EVC2: variants seen among roughly 807,000 people sequenced by gnomAD.
The protein encoded by EVC2 is EvC ciliary complex subunit 2.
Under a neutral mutation model 149.3 loss-of-function variants are expected in EVC2, and 148 were observed. The observed-to-expected ratio is 0.99, with a 90% confidence interval of 0.87 to 1.14. The LOEUF (loss-of-function observed/expected upper bound fraction) is 1.14, where lower values mean the gene tolerates loss of function less well. EVC2 is among the 50% of genes most tolerant of loss of function. The probability of loss-of-function intolerance (pLI) is 0.00; values close to 1 mark genes in which losing one functional copy is unlikely to be tolerated. For missense variants in EVC2, 1,854 were observed against 1,627.3 expected, an observed-to-expected ratio of 1.14 and a Z score of -2.40; for synonymous variants, 776 against 649.9, an observed-to-expected ratio of 1.19 and a Z score of -2.95.
At chr4:5,687,672 G>A (rs1437028764) in intron 5 of EVC2, among the ~76,000 whole-genome samples, 2 of 152,136 alleles carry the variant, frequency 1.3e-5, no homozygotes, top group African/African-American at 2.4e-5. Flanking sequence ...CAGAGTTGGG[G>A]AGAGGTGCTT....
chr4:5,570,954 A>G (rs1395467072), intron 19 of EVC2, among the ~76,000 whole-genome samples: 1 of 152,086 alleles, frequency 6.6e-6, no homozygotes, highest in Admixed American at 6.6e-5. Context: ...TGAGGATGCA[A>G]AGGCATAAGA....
Position 5,696,587 on chromosome 4 carries a change from C to T in EVC2, c.283+1006G>A, listed in dbSNP as rs1239412244. Among the ~76,000 whole-genome samples, 6 of 152,156 alleles carry T rather than the reference C, an allele frequency of 3.9e-5. No homozygotes were observed. The highest frequency in any genetic ancestry group is 7.2e-5 in the African/African-American group (3 of 41,428). ...AGGCTCAGGAGCCAGGGACTGCCCGCGGCATTTTTCCCACCATGGGGAAAG... is the reference window on the plus strand; with the variant it reads ...AGGCTCAGGAGCCAGGGACTGCCCGTGGCATTTTTCCCACCATGGGGAAAG... On this transcript the variant is annotated intron_variant, in intron 2 of 21. Coordinates refer to ENST00000344408, the MANE Select transcript of EVC2 (RefSeq NM_147127.5). This position sits in a 1 kb window ranked among gnomAD's most constrained non-coding sequence, Gnocchi z 4.1.
intron 1 of EVC2, among the ~76,000 whole-genome samples, chr4:5,699,711 C>T (rs1005569629): frequency 6.6e-6 from 1 of 151,356 alleles, no homozygotes; most frequent in Non-Finnish European, 1.5e-5. Context: ...CTCCCAGCTA[C>T]TTGGGAGGCT....
rs1047765396 is a variant in EVC2 at position 5,625,446 on chromosome 4, G to C, written c.2046+303C>G. On this transcript the variant is annotated intron_variant, in intron 13 of 21. Transcript: ENST00000344408. This position sits in a 1 kb window ranked among gnomAD's most constrained non-coding sequence, Gnocchi z 4.0. ...AGTGCTAAGTAAGCAGCCAATAAAT[G>C]TTAGCACCTACCATCATCATTAGTC... Among the ~76,000 whole-genome samples, 1 of 152,188 alleles carries C rather than the reference G, an allele frequency of 6.6e-6. No individual in the cohort carries two copies. The highest frequency in any genetic ancestry group is 1.5e-5 in the Non-Finnish European group (1 of 68,028).
At position 5,613,237 on chromosome 4, in the gene EVC2, G is replaced by A. The variant is rs73198123; in HGVS notation, c.2829+2185C>T. 8.1e-3 allele frequency among the ~76,000 whole-genome samples: 1,232 copies of A among 152,228 alleles called. 5 individuals are homozygous for A. Among genetic ancestry groups the A allele is most frequent in the African/African-American group, 0.016 (668 of 41,540 alleles). ...TGGCCATGACCCAGCACTCCAGTAA[G>A]GCAGCCTTGTCACAGGGCTTCAACC... is the stretch of plus-strand genomic sequence containing the variant. On this transcript the variant is annotated intron_variant, in intron 16 of 21. Transcript: ENST00000344408. The surrounding 1 kb of genome is among the most constrained non-coding windows in gnomAD (Gnocchi z 4.6).
intron 14 of EVC2, among the ~76,000 whole-genome samples, chr4:5,619,834 C>T (rs943490230): frequency 6.6e-6 from 1 of 152,168 alleles, no homozygotes; most frequent in African/African-American, 2.4e-5. Context: ...CTCAGAAAGT[C>T]TGGACAGAAT....
At chr4:5,599,803 G>A (rs1320641202) in intron 16 of EVC2, among the ~76,000 whole-genome samples, 2 of 152,152 alleles carry the variant, frequency 1.3e-5, no homozygotes, top group Non-Finnish European at 2.9e-5. Flanking sequence ...TCTGCTGAAT[G>A]GGTTCAAGAT....
intron 16 of EVC2, among the ~76,000 whole-genome samples, chr4:5,595,873 G>C (rs1335026271): frequency 6.6e-6 from 1 of 152,238 alleles, no homozygotes; most frequent in African/African-American, 2.4e-5. Context: ...GATGGAGAAA[G>C]AGCTACCAAG....
intron 18 of EVC2, among the ~76,000 whole-genome samples, chr4:5,575,285 C>T (rs1315749951): frequency 6.6e-6 from 1 of 152,196 alleles, no homozygotes; most frequent in African/African-American, 2.4e-5. Flanking sequence ...CTGGCTAATA[C>T]ACCCCAGACC....
chr4:5,701,653 C>T (rs76181588), intron 1 of EVC2, among the ~76,000 whole-genome samples: 11,131 of 152,258 alleles, frequency 0.073, 532 homozygotes, highest in East Asian at 0.23. Context: ...TATACACTGA[C>T]TATTCCCCCA....
chr4:5,598,169 A>C (rs1293413641), intron 16 of EVC2, among the ~76,000 whole-genome samples: 2 of 152,078 alleles, frequency 1.3e-5, no homozygotes, highest in East Asian at 3.8e-4. Context: ...ATTCAATGCC[A>C]TCCCCATCCA....
chr4:5,532,923 C>A, the EVC2 span, among the ~76,000 whole-genome samples: 1 of 151,436 alleles, frequency 6.6e-6, no homozygotes, highest in South Asian at 2.1e-4. Flanking sequence ...ATACTCAGTA[C>A]CCTGATATCA....
At chr4:5,587,638 A>C (rs931349872) in intron 16 of EVC2, among the ~76,000 whole-genome samples, 7 of 152,202 alleles carry the variant, frequency 4.6e-5, no homozygotes, top group African/African-American at 1.7e-4. Context: ...GAAGGGGTTT[A>C]TTTGGCCAGG....
chr4:5,686,318 G>A lies in EVC2; in HGVS notation c.707-839C>T, dbSNP rs1720709305. 6.6e-6 allele frequency among the ~76,000 whole-genome samples: 1 copy of A among 152,068 alleles called. No homozygotes were observed. The highest frequency in any genetic ancestry group is 2.4e-5 in the African/African-American group (1 of 41,404). On this transcript the variant is annotated intron_variant, in intron 5 of 21. Transcript: ENST00000344408. This position sits in a 1 kb window ranked among gnomAD's most constrained non-coding sequence, Gnocchi z 5.4. ...AGTGATCCTCCTGCCTCAGCCTCCT[G>A]AGTAGCTGGGACTTTAGGTGTGGAC...
chr4:5,632,356 G>A lies in EVC2; in HGVS notation c.1471-324C>T, dbSNP rs146167957. ...CATATACACACACAGCAAAAACAAGGCACACACATAGACACACACACAGTC... is the reference window on the plus strand; with the variant it reads ...CATATACACACACAGCAAAAACAAGACACACACATAGACACACACACAGTC... On this transcript the variant is annotated intron_variant, in intron 10 of 21. Transcript: ENST00000344408. Among the ~76,000 whole-genome samples the A allele has an allele frequency of 4.2e-3, 633 of 152,136 alleles. 7 individuals are homozygous for A. Among genetic ancestry groups the A allele is most frequent in the Middle Eastern group, 0.014 (4 of 294 alleles).
At chr4:5,629,925 A>G (rs1716403133) in intron 11 of EVC2, among the ~76,000 whole-genome samples, 1 of 152,236 alleles carries the variant, frequency 6.6e-6, no homozygotes, top group Admixed American at 6.5e-5. Context: ...CAGTACTGTT[A>G]TCACCTGTGG....
At chr4:5,684,522 A>T (rs1720560346) in intron 6 of EVC2, among the ~76,000 whole-genome samples, 1 of 152,202 alleles carries the variant, frequency 6.6e-6, no homozygotes, top group Non-Finnish European at 1.5e-5. Flanking sequence ...AAAAGGAAGC[A>T]GAGCATCATG....
intron 21 of EVC2, among the ~76,000 whole-genome samples, chr4:5,555,210 C>T (rs1319327411): frequency 6.6e-6 from 1 of 151,720 alleles, no homozygotes; most frequent in Non-Finnish European, 1.5e-5. Flanking sequence ...AATGATTAAT[C>T]AAAACCAGAG....
rs1455058796 is a variant in EVC2, at chr4:5,614,549, G to C, written c.2829+873C>G. On this transcript the variant is annotated intron_variant, in intron 16 of 21. Transcript: ENST00000344408. This position sits in a 1 kb window ranked among gnomAD's most constrained non-coding sequence, Gnocchi z 4.7. ...AAGGGGAGACATCCAAGAGCTGAGG[G>C]AACACCTCAGGACAGCAAGGACACA... Among the ~76,000 whole-genome samples, 1 of 152,178 alleles carries C rather than the reference G, an allele frequency of 6.6e-6. No individual in the cohort carries two copies. Among genetic ancestry groups the C allele is most frequent in the African/African-American group, 2.4e-5 (1 of 41,432 alleles).
Sources: allele counts gnomAD v4.1 joint callset (sites outside exome capture counted in the v4.1 genomes callset), GRCh38; gene constraint gnomAD v4.1.1; non-coding constraint Gnocchi (gnomAD v3.1); transcripts MANE v1.5; gene names NCBI Gene and HGNC (gene_info 2026-07-23, HGNC 2026-07-21).